IDI1: variants seen among roughly 807,000 people sequenced by gnomAD.
IDI1 encodes the protein isopentenyl-diphosphate Delta-isomerase 1.
Under a neutral mutation model 32.9 loss-of-function variants are expected in IDI1, and 23 were observed. That is an observed-to-expected ratio of 0.70 (90% CI 0.50 to 0.99). The LOEUF (loss-of-function observed/expected upper bound fraction) is 0.99. Ranked by LOEUF, IDI1 falls within the 50% of genes least tolerant of loss-of-function variation. The pLI is 0.00. For missense variants in IDI1, 326 were observed against 351.9 expected (o/e 0.93, Z 0.59); for synonymous variants, 133 against 128.2 (o/e 1.04, Z -0.25).
At position 1,041,009 on chromosome 10, in the gene IDI1, TAA is replaced by T; in HGVS notation, c.*176_*177del. 2.0e-6 allele frequency: 1 copy of T among 505,662 alleles called. No homozygotes were observed. The highest frequency in any genetic ancestry group is 3.0e-5 in the East Asian group (1 of 33,468). 31.3% of individuals were successfully genotyped at this position (505,662 alleles called of 1,614,324 possible). On this transcript the variant is annotated 3_prime_UTR_variant, in exon 5 of 5. Transcript: ENST00000381344. The stretch of plus-strand genomic sequence containing the variant: ...ATCCAGGGTGTGTGATACAAAATTA[TAA>T]GTTAGTTTTTTCCACACAAGTTTTA...
chr10:1,048,708 G>A, intron 1 of IDI1, 156 bp downstream of exon 1: 1 of 1,425,218 alleles, frequency 7.0e-7, no homozygotes, highest in East Asian at 2.7e-5. Context: ...CCTCCCTCCA[G>A]TTCGGGAGAC....
rs760899508 is a variant in IDI1, at chr10:1,044,126, G to A, written c.186C>T (p.Asn62=). 3 of 1,613,704 alleles carry A rather than the reference G, an allele frequency of 1.9e-6. No homozygotes were observed. The South Asian group carries it at 3.3e-5, about 18-fold the overall frequency. Residue 62 remains asparagine (N), a synonymous_variant, in exon 2 of 5, where the codon AAC becomes AAT. Coordinates refer to ENST00000381344, the MANE Select transcript of IDI1 (RefSeq NM_004508.4). ...CCTGTTGCTTGTCGAGGTGGTTAGTGTTTATTTCAGGCATCATTACAAAAT... is the reference window on the plus strand; with the variant it reads ...CCTGTTGCTTGTCGAGGTGGTTAGTATTTATTTCAGGCATCATTACAAAAT... ...IRHFVMMPEI[N]TNHLDKQQVQ...
chr10:1,045,879 GTGTGTGTGTGTGTGTGAA>G (rs1564487139), intron 1 of IDI1, among the ~76,000 whole-genome samples: 1 of 49,374 alleles, frequency 2.0e-5, no homozygotes, highest in East Asian at 8.8e-4. Flanking sequence ...GTGTGTGTGT[GTGTGTGTGTGTGTGTGAA>G]TGCGTGTGTC....
chr10:1,052,660 G>T (rs1833044043), upstream of IDI1, among the ~76,000 whole-genome samples: 1 of 152,182 alleles, frequency 6.6e-6, no homozygotes, highest in African/African-American at 2.4e-5. Context: ...ACCACACTGT[G>T]TAAGTAGATG....
chr10:1,047,792 A>T lies in IDI1; in HGVS notation c.140+1072T>A, dbSNP rs562308513. Among the ~76,000 whole-genome samples, 7 of 152,384 alleles carry T rather than the reference A, an allele frequency of 4.6e-5. No homozygotes were observed. In the South Asian group the frequency reaches 1.4e-3, roughly 32 times the overall value. On this transcript the variant is annotated intron_variant, in intron 1 of 4. Transcript: ENST00000381344. ...AATTATCATCTGTAGATGATCTCTT[A>T]TAGTATCTAAAACATGTAAATCCTA...
chr10:1,047,651 C>G (rs1832835304), intron 1 of IDI1, among the ~76,000 whole-genome samples: 1 of 152,176 alleles, frequency 6.6e-6, no homozygotes, highest in African/African-American at 2.4e-5. Flanking sequence ...CACCACACAG[C>G]CCAGCTGCTC....
upstream of IDI1, among the ~76,000 whole-genome samples, chr10:1,052,606 T>C (rs1197233171): frequency 4.6e-5 from 7 of 152,180 alleles, no homozygotes; most frequent in Admixed American, 4.6e-4. Context: ...TTTTTTTTCC[T>C]GAGCAGTAGG....
In IDI1 at chr10:1,040,663, A is replaced by G. The variant is rs1276987893; in HGVS notation, c.*524T>C. The G allele has an allele frequency of 6.5e-6, 1 of 153,052 alleles. No homozygotes were observed. Among genetic ancestry groups the G allele is most frequent in the Non-Finnish European group, 1.5e-5 (1 of 68,572 alleles). 9.5% of individuals were successfully genotyped at this position (153,052 alleles called of 1,614,324 possible). On this transcript the variant is annotated 3_prime_UTR_variant, in exon 5 of 5. Coordinates refer to ENST00000381344, the MANE Select transcript of IDI1 (RefSeq NM_004508.4). ...TACAAATTAGGGTCCATATCATTTA[A>G]TTTCCCTTGAACCTGCTCTGCTAGT...
At chr10:1,051,148 A>T (rs1005447622), upstream of IDI1, among the ~76,000 whole-genome samples, 4 of 152,228 alleles carry the variant, frequency 2.6e-5, no homozygotes, top group Admixed American at 2.6e-4. Flanking sequence ...TTTGGAAAAT[A>T]CTGATTTACT....
At chr10:1,054,560 G>A in the IDI1 span, among the ~76,000 whole-genome samples, 1 of 152,168 alleles carries the variant, frequency 6.6e-6, no homozygotes, top group African/African-American at 2.4e-5. Context: ...AATAGAAATT[G>A]GTTTTCTGAG....
chr10:1,039,168 G>A (rs1256217186), downstream of IDI1: 1 of 139,574 alleles, frequency 7.2e-6, no homozygotes, highest in Non-Finnish European at 1.5e-5. Context: ...GTTCCCACAG[G>A]GACGCACTGC....
At chr10:1,042,479 A>G (rs1832634357) in intron 4 of IDI1, 153 bp downstream of exon 4, 1 of 726,318 alleles carries the variant, frequency 1.4e-6, no homozygotes. Flanking sequence ...TTAAAATTTA[A>G]ATAATCTTTA....
At chr10:1,041,643 T>G in intron 4 of IDI1, 139 bp from the exon 5 acceptor site, 1 of 484,200 alleles carries the variant, frequency 2.1e-6, no homozygotes, top group East Asian at 3.0e-5. Context: ...AGCATTAATC[T>G]CCTATCAATG....
At chr10:1,052,873 T>C (rs1228952707), upstream of IDI1, among the ~76,000 whole-genome samples, 1 of 152,248 alleles carries the variant, frequency 6.6e-6, no homozygotes, top group East Asian at 1.9e-4. Context: ...TCTCTAGTTA[T>C]GACAGTCCTG....
In IDI1 at chr10:1,041,420, A is replaced by C. The variant is rs775990387; in HGVS notation, c.622T>G (p.Tyr208Asp). 2 of 1,611,000 alleles carry C rather than the reference A, an allele frequency of 1.2e-6. No individual in the cohort carries two copies. Among genetic ancestry groups the C allele is most frequent in the Middle Eastern group, 1.7e-4 (1 of 6,056 alleles). ...ACATTCTTCCTCACCAACAAAATGT[A>C]ATCAATTTCATGTTCACCCCAGATA... is the stretch of plus-strand genomic sequence containing the variant. ...DGIWGEHEID[Y>D]ILLVRKNVTL... Residue 208 changes from tyrosine to aspartate, a missense_variant, in exon 5 of 5, where the codon TAC becomes GAC. By Grantham distance (160) the Tyr-to-Asp change is radical (BLOSUM62 -3). Transcript: ENST00000381344.
intron 2 of IDI1, 55 bp from the exon 3 acceptor site, chr10:1,043,448 A>G: frequency 1.9e-6 from 2 of 1,067,728 alleles, no homozygotes; most frequent in Non-Finnish European, 2.9e-6. Context: ...TTATTTGCCA[A>G]ATTCTCTCCC....
upstream of IDI1, among the ~76,000 whole-genome samples, chr10:1,049,845 G>GT (rs754709351): frequency 2.0e-5 from 3 of 152,160 alleles, no homozygotes; most frequent in Non-Finnish European, 2.9e-5. Flanking sequence ...GTAGAGACGG[G>GT]TTTCCGCATG....
At chr10:1,042,823 G>GAA in intron 3 of IDI1, 61 bp from the exon 4 acceptor site, 2 of 1,471,844 alleles carry the variant, frequency 1.4e-6, no homozygotes, top group South Asian at 2.3e-5. Flanking sequence ...GAAAGATCAA[G>GAA]AAAAAGTTTT....
downstream of IDI1, chr10:1,039,352 T>C (rs544133936): frequency 1.3e-5 from 2 of 152,530 alleles, no homozygotes; most frequent in African/African-American, 4.8e-5. Flanking sequence ...ATAATATAGG[T>C]AGGGAAACAG....
Sources: gnomAD v4.1 joint callset for allele counts (sites outside exome capture counted in the v4.1 genomes callset) on GRCh38, gnomAD v4.1.1 for gene constraint, MANE v1.5 for transcripts, NCBI Gene and HGNC (gene_info 2026-07-23, HGNC 2026-07-21) for gene names.